The following NDE1 variants were observed in gnomAD, a reference collection of about 807,000 sequenced individuals.
NDE1 encodes nuclear distribution protein nudE homolog 1.
In NDE1, 28 loss-of-function variants were observed where a neutral mutation model predicts 43.4. That is an observed-to-expected ratio of 0.65 (90% CI 0.48 to 0.89). The LOEUF is 0.89. NDE1 is among the 40% of genes least tolerant of loss of function. The probability of loss-of-function intolerance (pLI) is 0.00; values close to 1 mark genes in which losing one functional copy is unlikely to be tolerated. For missense variants in NDE1, 441 were observed against 434.1 expected, an observed-to-expected ratio of 1.02 and a Z score of -0.14; for synonymous variants, 184 against 172.0, an observed-to-expected ratio of 1.07 and a Z score of -0.55.
chr16:15,654,167 G>T (rs937960312), intron 1 of NDE1, among the ~76,000 whole-genome samples: 1 of 152,204 alleles, frequency 6.6e-6, no homozygotes, highest in Non-Finnish European at 1.5e-5. Flanking sequence ...GCATGATGGT[G>T]TGGTGGCGTA....
chr16:15,724,571 C>A lies in NDE1; in HGVS notation c.*320C>A, dbSNP rs549021277. The A allele has an allele frequency of 1.2e-6, 2 of 1,610,656 alleles. No homozygotes were observed. Among genetic ancestry groups the A allele is most frequent in the Non-Finnish European group, 1.7e-6 (2 of 1,178,726 alleles). ...GCACCATCGCACCAACACTCCACCG[C>A]GATCTGCCTGCGGGGGATCTCAGCG... On this transcript the variant is annotated 3_prime_UTR_variant, in exon 9 of 9. Transcript: ENST00000396354.
chr16:15,650,562 C>T (rs1469211354), intron 1 of NDE1, among the ~76,000 whole-genome samples: 8 of 152,238 alleles, frequency 5.3e-5, no homozygotes, highest in Non-Finnish European at 2.9e-5. Context: ...CGCGCTGGCC[C>T]CTCGCCCTTG....
intron 8 of NDE1, among the ~76,000 whole-genome samples, chr16:15,702,587 T>TTTC (rs1344229359): frequency 6.6e-6 from 1 of 151,184 alleles, no homozygotes; most frequent in Non-Finnish European, 1.5e-5. Context: ...ACACCTTTTT[T>TTTC]TTATAGAGAC....
chr16:15,724,704 G>A lies in NDE1; in HGVS notation c.*453G>A, dbSNP rs753575083. On this transcript the variant is annotated 3_prime_UTR_variant, in exon 9 of 9. Transcript: ENST00000396354. The stretch of plus-strand genomic sequence containing the variant: ...GGTTCTGCTTGGCCTCCATCTCCTC[G>A]TCCAGCTGGTCTTGCAGGCTGTTCC... The A allele has an allele frequency of 1.9e-5, 30 of 1,614,192 alleles. No homozygotes were observed. Among genetic ancestry groups the A allele is most frequent in the Middle Eastern group, 1.7e-4 (1 of 6,060 alleles).
At chr16:15,661,247 C>T (rs1029097431) in intron 1 of NDE1, among the ~76,000 whole-genome samples, 2 of 151,174 alleles carry the variant, frequency 1.3e-5, no homozygotes, top group African/African-American at 4.9e-5. Flanking sequence ...CTCCCGGGTT[C>T]AAGCCATTCT....
At chr16:15,679,570 G>C (rs997076826) in intron 4 of NDE1, among the ~76,000 whole-genome samples, 5 of 152,102 alleles carry the variant, frequency 3.3e-5, no homozygotes, top group African/African-American at 1.2e-4. Context: ...TAGGATTTGT[G>C]TTTGTTCTTT....
At chr16:15,649,783 G>T (rs1359635709), upstream of NDE1, among the ~76,000 whole-genome samples, 1 of 152,222 alleles carries the variant, frequency 6.6e-6, no homozygotes, top group Non-Finnish European at 1.5e-5. Flanking sequence ...TAATGATGCT[G>T]AAGATTCTAC....
In NDE1 at chr16:15,720,723, A is replaced by G. The variant is rs532296929; in HGVS notation, c.948-3468A>G. 1.1e-5 allele frequency: 13 copies of G among 1,150,368 alleles called. No homozygotes were observed. In the South Asian group the frequency reaches 1.7e-4, roughly 15 times the overall value. 71.3% of individuals were successfully genotyped at this position (1,150,368 alleles called of 1,614,324 possible). On this transcript the variant is annotated intron_variant, in intron 8 of 8. Coordinates refer to ENST00000396354, the MANE Select transcript of NDE1 (RefSeq NM_017668.3). ...ACTCCAGCCTGGGCGACAGAGCGAG[A>G]CTCTGTTTCAAAAAAAAATAAAGAA...
chr16:15,718,102 G>GAGAC (rs1395609496), intron 8 of NDE1: 2 of 727,530 alleles, frequency 2.7e-6, no homozygotes, highest in African/African-American at 3.5e-5. Context: ...GCTGGAAAAT[G>GAGAC]AGACACTGCA....
intron 8 of NDE1, chr16:15,721,241 CCCATCCTCGACTG>C: frequency 1.1e-6 from 1 of 938,150 alleles, no homozygotes; most frequent in Non-Finnish European, 1.7e-6. Flanking sequence ...CCAACTCAGA[CCCATCCTCGACTG>C]CCATTCTCAG....
chr16:15,693,257 G>A (rs1259224839), intron 6 of NDE1, among the ~76,000 whole-genome samples: 3 of 152,096 alleles, frequency 2.0e-5, no homozygotes, highest in Admixed American at 6.6e-5. Flanking sequence ...GAACTGCCTC[G>A]GCCTCTGAAA....
chr16:15,644,250 T>C (rs1214357580), intron 1 of NDE1, among the ~76,000 whole-genome samples: 2 of 152,200 alleles, frequency 1.3e-5, no homozygotes, highest in Non-Finnish European at 2.9e-5. Flanking sequence ...AAGTCGAAAT[T>C]GCCAAACGAG....
At chr16:15,704,182 T>C (rs1324287905) in intron 8 of NDE1, 4 of 1,601,928 alleles carry the variant, frequency 2.5e-6, no homozygotes, top group African/African-American at 1.3e-5. Flanking sequence ...TGGGATAGAT[T>C]TTTTATAAAT....
rs143820142 is a variant in NDE1, at chr16:15,664,844, G to A, written c.66G>A (p.Ala22=). Residue 22 remains alanine (A), a synonymous_variant, in exon 2 of 9, where the codon GCG becomes GCA. Transcript: ENST00000396354. The part of the protein sequence containing the change: ...EEEANYWKDL[A]MTYKQRAENT... ...AAGCTAACTATTGGAAAGATCTGGC[G>A]ATGACCTACAAACAGAGGTCAGTCC... 150 of 1,612,654 alleles carry A rather than the reference G, an allele frequency of 9.3e-5. 3 individuals carry two copies. Among genetic ancestry groups the A allele is most frequent in the South Asian group, 5.9e-4 (54 of 91,048 alleles).
intron 8 of NDE1, among the ~76,000 whole-genome samples, chr16:15,708,134 C>T (rs144789606): frequency 1.3e-5 from 2 of 152,200 alleles, no homozygotes; most frequent in African/African-American, 2.4e-5. Context: ...CTTGGCTTTG[C>T]GGTGGTCAGC....
Position 15,724,717 on chromosome 16 carries a change from T to C in NDE1, c.*466T>C. 6.2e-7 allele frequency: 1 copy of C among 1,614,158 alleles called. No individual in the cohort carries two copies. The highest frequency in any genetic ancestry group is 8.5e-7 in the Non-Finnish European group (1 of 1,180,016). On this transcript the variant is annotated 3_prime_UTR_variant, in exon 9 of 9. Transcript: ENST00000396354. ...CTCCATCTCCTCGTCCAGCTGGTCT[T>C]GCAGGCTGTTCCGCTCCTCCTCCAG...
At chr16:15,683,668 A>G (rs537433546) in intron 4 of NDE1, among the ~76,000 whole-genome samples, 1 of 152,326 alleles carries the variant, frequency 6.6e-6, no homozygotes, top group Admixed American at 6.5e-5. Context: ...ATTTCAACAT[A>G]TAAAATACAT....
intron 1 of NDE1, among the ~76,000 whole-genome samples, chr16:15,645,072 A>G (rs966716771): frequency 3.3e-5 from 5 of 151,522 alleles, no homozygotes. Flanking sequence ...GGCGCCCACC[A>G]CCATGCCTGG....
chr16:15,708,940 A>G lies in NDE1; in HGVS notation c.947+12080A>G, dbSNP rs1486879134. The G allele has an allele frequency of 4.9e-6, 6 of 1,237,004 alleles. No homozygotes were observed. In the South Asian group the frequency reaches 6.4e-5, roughly 13 times the overall value. The allele number at this position is 1,237,004 out of a possible 1,614,324, so 76.6% of individuals were successfully genotyped here. On this transcript the variant is annotated intron_variant, in intron 8 of 8. Transcript: ENST00000396354. ...TGTTAAAGACATTTGCTTCGATTTA[A>G]TAATTAAAGGCACTCTTTTTTATTT...
Sources: gnomAD v4.1 joint callset for allele counts (sites outside exome capture counted in the v4.1 genomes callset) on GRCh38, gnomAD v4.1.1 for gene constraint, MANE v1.5 for transcripts, NCBI Gene and HGNC (gene_info 2026-07-23, HGNC 2026-07-21) for gene names.